SNAPC1: variants seen among roughly 807,000 people sequenced by gnomAD.
SNAPC1 encodes small nuclear RNA activating complex polypeptide 1, also known as snRNA-activating protein complex subunit 1.
In SNAPC1, 42 loss-of-function variants were observed where a neutral mutation model predicts 50.1. The observed-to-expected ratio is 0.84, with a 90% CI of 0.65 to 1.08. SNAPC1 has a LOEUF of 1.08. SNAPC1 is among the 50% of genes least tolerant of loss of function. SNAPC1 has a pLI of 0.00. For missense variants in SNAPC1, 477 were observed against 427.3 expected (o/e 1.12, Z -1.02); for synonymous variants, 164 against 144.2 (o/e 1.14, Z -0.98).
intron 4 of SNAPC1, among the ~76,000 whole-genome samples, chr14:61,775,407 C>T (rs2045027987): frequency 6.6e-6 from 1 of 152,036 alleles, no homozygotes; most frequent in Admixed American, 6.6e-5. Context: ...AGGCGCCCAC[C>T]CCCATACCCG....
chr14:61,775,360 A>G (rs974524959), intron 4 of SNAPC1, among the ~76,000 whole-genome samples: 12 of 151,762 alleles, frequency 7.9e-5, no homozygotes, highest in African/African-American at 2.2e-4. Context: ...GGTTCAAGCA[A>G]TTCTCCTACC....
intron 1 of SNAPC1, 111 bp downstream of exon 1, chr14:61,762,699 C>G: frequency 7.8e-7 from 1 of 1,286,852 alleles, no homozygotes; most frequent in Non-Finnish European, 1.1e-6. Flanking sequence ...GCGGCAGTCA[C>G]CGAAGGTTGC....
intron 8 of SNAPC1, 67 bp downstream of exon 8, chr14:61,782,464 T>C (rs2045082876): frequency 4.8e-6 from 6 of 1,259,472 alleles, no homozygotes; most frequent in Non-Finnish European, 6.6e-6. Context: ...CTTTGCCTCA[T>C]GTTTATTTCC....
At chr14:61,785,936 G>T (rs1317985265) in intron 8 of SNAPC1, among the ~76,000 whole-genome samples, 1 of 151,686 alleles carries the variant, frequency 6.6e-6, no homozygotes, top group Non-Finnish European at 1.5e-5. Context: ...TTTCCCTTTA[G>T]CTTAGTGATT....
chr14:61,784,545 A>T (rs1210813485), intron 8 of SNAPC1, among the ~76,000 whole-genome samples: 6 of 152,154 alleles, frequency 3.9e-5, no homozygotes, highest in Non-Finnish European at 8.8e-5. Context: ...AGGTTTTGTG[A>T]GCCGTGTTTC....
chr14:61,767,164 GA>G, intron 2 of SNAPC1, 47 bp from the exon 3 acceptor site: 1 of 1,317,032 alleles, frequency 7.6e-7, no homozygotes, highest in Non-Finnish European at 9.9e-7. Context: ...ATATGTTTGT[GA>G]AAAAATATTT....
Position 61,767,366 on chromosome 14 carries a change from AATAATT to A in SNAPC1, c.429+15_429+20del, listed in dbSNP as rs2140174477. The A allele has an allele frequency of 7.1e-7, 1 of 1,416,938 alleles. No homozygotes were observed. The highest frequency in any genetic ancestry group is 1.5e-5 in the African/African-American group (1 of 67,538). 87.8% of individuals were successfully genotyped at this position (1,416,938 alleles called of 1,614,324 possible). A position where few individuals can be genotyped will look rare whatever the true frequency, so the allele number is the denominator to read the frequency against. On this transcript the variant is annotated intron_variant, in intron 3 of 9. Transcript: ENST00000216294. The stretch of plus-strand genomic sequence containing the variant: ...ATGCCCAAATTGGTATGTTGCCTAA[AATAATT>A]TGGTTTTTTCAAAATGAGCAATTAT...
chr14:61,783,550 T>TTTC (rs60389853), intron 8 of SNAPC1, among the ~76,000 whole-genome samples: 1 of 142,276 alleles, frequency 7.0e-6, no homozygotes, highest in African/African-American at 2.7e-5. Context: ...TTTTTTTTTT[T>TTTC]CTTGAGACAG....
chr14:61,784,292 CA>C (rs2045099355), intron 8 of SNAPC1, among the ~76,000 whole-genome samples: 1 of 152,086 alleles, frequency 6.6e-6, no homozygotes, highest in Non-Finnish European at 1.5e-5. Context: ...TCACATGTAT[CA>C]AAAATAATCC....
At chr14:61,783,915 C>G (rs2045096766) in intron 8 of SNAPC1, among the ~76,000 whole-genome samples, 1 of 152,100 alleles carries the variant, frequency 6.6e-6, no homozygotes, top group African/African-American at 2.4e-5. Flanking sequence ...AACAGGTTTA[C>G]TTAAGGTGAG....
rs545950477 is a variant in SNAPC1, at chr14:61,785,278, T to C, written c.976+2881T>C. 7.3e-4 allele frequency among the ~76,000 whole-genome samples: 111 copies of C among 152,236 alleles called. 4 individuals carry two copies. In the South Asian group the frequency reaches 0.022, roughly 31 times the overall value. On this transcript the variant is annotated intron_variant, in intron 8 of 9. Transcript: ENST00000216294. Reference sequence around the variant, plus strand: ...CTAGCTGGGCTTGGTGGCACATGCATGTAATCCCAGCTACTTGGGAGACTG... The same window carrying C: ...CTAGCTGGGCTTGGTGGCACATGCACGTAATCCCAGCTACTTGGGAGACTG...
At position 61,767,202 on chromosome 14, in the gene SNAPC1, C is replaced by G. The variant is rs1424991990; in HGVS notation, c.289-10C>G. 7.0e-7 allele frequency: 1 copy of G among 1,425,816 alleles called. No homozygotes were observed. The highest frequency in any genetic ancestry group is 1.5e-5 in the African/African-American group (1 of 67,526). The allele number at this position is 1,425,816 out of a possible 1,614,324, so 88.3% of individuals were successfully genotyped here. A position where few individuals can be genotyped will look rare whatever the true frequency, so the allele number is the denominator to read the frequency against. ...CATTTAGTACAACTTTTTTTTCTTC[C>G]TGGTTGCAGATCAGAGTTGCCCTGA... is the stretch of plus-strand genomic sequence containing the variant. On this transcript the variant is annotated splice_polypyrimidine_tract_variant and intron_variant, in intron 2 of 9. Coordinates refer to ENST00000216294, the MANE Select transcript of SNAPC1 (RefSeq NM_003082.4).
intron 4 of SNAPC1, among the ~76,000 whole-genome samples, chr14:61,771,447 A>T (rs2044990827): frequency 6.6e-6 from 1 of 152,196 alleles, no homozygotes. Flanking sequence ...TTGTCATTCA[A>T]CAAACAAATG....
At chr14:61,763,666 C>T (rs1024549721) in intron 1 of SNAPC1, among the ~76,000 whole-genome samples, 1 of 152,100 alleles carries the variant, frequency 6.6e-6, no homozygotes, top group Non-Finnish European at 1.5e-5. Flanking sequence ...GTTTTTTCCC[C>T]GCATAGCACC....
chr14:61,765,099 C>T (rs1320781795), intron 1 of SNAPC1, among the ~76,000 whole-genome samples: 1 of 152,170 alleles, frequency 6.6e-6, no homozygotes, highest in Non-Finnish European at 1.5e-5. Context: ...AATTTCAGGT[C>T]TTACATAGAA....
At chr14:61,774,686 A>G (rs2045021828) in intron 4 of SNAPC1, among the ~76,000 whole-genome samples, 1 of 108,756 alleles carries the variant, frequency 9.2e-6, no homozygotes, top group African/African-American at 3.8e-5. Flanking sequence ...TTTGAGAGGC[A>G]GAGTTTCACT....
chr14:61,768,778 T>C (rs1327675564), intron 4 of SNAPC1, 38 bp downstream of exon 4: 6 of 1,107,914 alleles, frequency 5.4e-6, no homozygotes, highest in Non-Finnish European at 1.4e-6. Flanking sequence ...TTTTTAAAAA[T>C]TGTTTTATTG....
intron 4 of SNAPC1, 36 bp from the exon 5 acceptor site, chr14:61,776,059 A>G (rs1298832965): frequency 7.8e-6 from 12 of 1,531,906 alleles, no homozygotes; most frequent in Non-Finnish European, 1.0e-5. Flanking sequence ...CTCCTCAAAA[A>G]GTGAAGAAAT....
intron 1 of SNAPC1, among the ~76,000 whole-genome samples, chr14:61,766,469 G>A (rs1417801425): frequency 6.6e-6 from 1 of 152,166 alleles, no homozygotes; most frequent in East Asian, 1.9e-4. Flanking sequence ...TAAAAAAATG[G>A]CCTTGCTGAA....
Sources: gnomAD v4.1 joint callset for allele counts (sites outside exome capture counted in the v4.1 genomes callset) on GRCh38, gnomAD v4.1.1 for gene constraint, MANE v1.5 for transcripts, NCBI Gene and HGNC (gene_info 2026-07-23, HGNC 2026-07-21) for gene names.